Variants in RPS6KC1 observed in about 807,000 individuals in gnomAD.
RPS6KC1 encodes ribosomal protein S6 kinase C1, also known as inactive ribosomal protein S6 kinase delta-1.
In RPS6KC1, 54 loss-of-function variants were observed where a neutral mutation model predicts 103.8. The ratio of observed to expected loss-of-function variants is 0.52; its 90% confidence interval spans 0.42 to 0.65. RPS6KC1 has a LOEUF of 0.65. Among genes scored for constraint, RPS6KC1 ranks in the 30% least tolerant of loss-of-function variants. RPS6KC1 has a pLI of 0.00. For synonymous variants in RPS6KC1, 439 were observed against 438.7 expected, an observed-to-expected ratio of 1.00 and a Z score of -0.01; for missense variants, 1,151 against 1,253.8, an observed-to-expected ratio of 0.92 and a Z score of 1.24.
intron 14 of RPS6KC1, among the ~76,000 whole-genome samples, chr1:213,265,809 T>C (rs1286971417): frequency 6.6e-6 from 1 of 152,234 alleles, no homozygotes; most frequent in Non-Finnish European, 1.5e-5. Context: ...CCAAGTGAAG[T>C]AATAGATTCT....
the RPS6KC1 span, among the ~76,000 whole-genome samples, chr1:213,484,009 A>T: frequency 2.0e-5 from 3 of 152,274 alleles, no homozygotes; most frequent in South Asian, 6.2e-4. Context: ...CTTATTCTTA[A>T]AATGCTGTCT....
rs565143487 is a variant in RPS6KC1, at chr1:213,104,544, G to A, written c.353G>A (p.Ser118Asn). ...FSANIPALYN[S>N]KQLEDFFKGG... ...GCCAATATTCCTGCTCTTTACAATA[G>A]TAAACAGCTTGAAGACTTTTTCAAG... The change falls in exon 4 of 15, where the codon AGT becomes AAT. Residue 118 changes from serine (S) to asparagine (N), a missense_variant. Ser to Asn is a conservative substitution (Grantham distance 46). Transcript: ENST00000366960. The A allele has an allele frequency of 1.9e-6, 3 of 1,602,792 alleles. No homozygotes were observed. The highest frequency in any genetic ancestry group is 1.3e-5 in the African/African-American group (1 of 74,708).
At chr1:213,450,741 C>T in the RPS6KC1 span, among the ~76,000 whole-genome samples, 10 of 152,102 alleles carry the variant, frequency 6.6e-5, no homozygotes, top group East Asian at 1.9e-4. Context: ...TTTGGGAGGC[C>T]GAGGCAGGTG....
At chr1:213,236,922 T>C (rs919321867) in intron 10 of RPS6KC1, among the ~76,000 whole-genome samples, 1 of 152,132 alleles carries the variant, frequency 6.6e-6, no homozygotes, top group Admixed American at 6.6e-5. Context: ...TCAAACAAAA[T>C]AGAAGTCTAT....
chr1:213,184,226 AAC>A (rs1166725380), intron 8 of RPS6KC1, among the ~76,000 whole-genome samples: 2 of 152,156 alleles, frequency 1.3e-5, no homozygotes, highest in African/African-American at 2.4e-5. Context: ...AAGAAAGAGA[AAC>A]AGTTTCCAGT....
At chr1:213,329,546 C>T in the RPS6KC1 span, among the ~76,000 whole-genome samples, 3 of 151,286 alleles carry the variant, frequency 2.0e-5, no homozygotes, top group Admixed American at 6.6e-5. Context: ...TTCTGTAGCC[C>T]GTCCAGAGGC....
intron 8 of RPS6KC1, among the ~76,000 whole-genome samples, chr1:213,201,577 T>C (rs1324156763): frequency 6.6e-6 from 1 of 152,154 alleles, no homozygotes; most frequent in African/African-American, 2.4e-5. Context: ...TAATAGAAAC[T>C]GTGTACTCCA....
At chr1:213,696,540 ACT>A in the RPS6KC1 span, among the ~76,000 whole-genome samples, 668 of 150,082 alleles carry the variant, frequency 4.5e-3, 3 homozygotes, top group African/African-American at 0.015. Flanking sequence ...GAAAAAAGAA[ACT>A]CTCTTCTTAG....
At chr1:213,733,208 G>T in the RPS6KC1 span, among the ~76,000 whole-genome samples, 1 of 146,720 alleles carries the variant, frequency 6.8e-6, no homozygotes, top group Admixed American at 7.1e-5. Flanking sequence ...CTAGTTTAGG[G>T]TTTTTTTGTT....
the RPS6KC1 span, among the ~76,000 whole-genome samples, chr1:213,728,581 C>G: frequency 6.6e-6 from 1 of 152,106 alleles, no homozygotes; most frequent in Non-Finnish European, 1.5e-5. Context: ...GTACCCACTG[C>G]CCGGTACTCT....
chr1:213,840,681 C>T, the RPS6KC1 span: 1 of 152,056 alleles, frequency 6.6e-6, no homozygotes, highest in Non-Finnish European at 1.5e-5. Flanking sequence ...TAGGTCTTAC[C>T]ATGGCCAAAT....
chr1:213,425,196 A>C, the RPS6KC1 span, among the ~76,000 whole-genome samples: 1 of 152,208 alleles, frequency 6.6e-6, no homozygotes, highest in Admixed American at 6.5e-5. Context: ...TTGACAAATA[A>C]CAACAGCAGC....
the RPS6KC1 span, among the ~76,000 whole-genome samples, chr1:213,574,447 A>T: frequency 1.9e-4 from 29 of 152,226 alleles, no homozygotes; most frequent in Admixed American, 1.8e-3. Flanking sequence ...TTAGTCATTG[A>T]TGGGCTAGAA....
At chr1:213,363,740 C>T in the RPS6KC1 span, among the ~76,000 whole-genome samples, 37 of 97,258 alleles carry the variant, frequency 3.8e-4, 3 homozygotes, top group East Asian at 1.6e-3. Context: ...CTTTCTTTCT[C>T]TCTTCTTTCT....
chr1:213,743,074 G>C, the RPS6KC1 span, among the ~76,000 whole-genome samples: 1 of 152,298 alleles, frequency 6.6e-6, no homozygotes, highest in South Asian at 2.1e-4. Flanking sequence ...ATACCAGAAA[G>C]ACACATGCAC....
At chr1:213,451,531 C>T in the RPS6KC1 span, among the ~76,000 whole-genome samples, 1 of 152,212 alleles carries the variant, frequency 6.6e-6, no homozygotes, top group Non-Finnish European at 1.5e-5. Flanking sequence ...GCCTTGTTGT[C>T]TCCTAGGCTC....
chr1:213,707,618 A>G, the RPS6KC1 span, among the ~76,000 whole-genome samples: 1 of 152,198 alleles, frequency 6.6e-6, no homozygotes, highest in Admixed American at 6.5e-5. Context: ...GTCTTTGCCC[A>G]TGCTATGTCC....
At chr1:213,499,342 C>T in the RPS6KC1 span, among the ~76,000 whole-genome samples, 1 of 152,168 alleles carries the variant, frequency 6.6e-6, no homozygotes, top group Non-Finnish European at 1.5e-5. Flanking sequence ...TATGTGAACA[C>T]CATGGAGCCC....
At chr1:213,860,745 C>T in the RPS6KC1 span, among the ~76,000 whole-genome samples, 1 of 151,998 alleles carries the variant, frequency 6.6e-6, no homozygotes, top group Admixed American at 6.5e-5. Flanking sequence ...AAGACGCAGC[C>T]AGAGCCTGGA....
Sources: gnomAD v4.1 joint callset for allele counts (sites outside exome capture counted in the v4.1 genomes callset) on GRCh38, gnomAD v4.1.1 for gene constraint, MANE v1.5 for transcripts, NCBI Gene and HGNC (gene_info 2026-07-23, HGNC 2026-07-21) for gene names.